The following WDPCP variants were observed in gnomAD, a reference collection of about 807,000 sequenced individuals.
WDPCP encodes WD repeat containing planar cell polarity effector.
WDPCP carries 71 observed loss-of-function variants against 93.1 expected under a neutral mutation model. That is an observed-to-expected ratio of 0.76 (90% CI 0.63 to 0.93). WDPCP has a LOEUF of 0.93. WDPCP is among the 40% of genes least tolerant of loss of function. The pLI, the probability that WDPCP is intolerant of heterozygous loss-of-function variation, is 0.00. For missense variants in WDPCP, 844 were observed against 887.4 expected (o/e 0.95, Z 0.62); for synonymous variants, 315 against 315.0 (o/e 1.00, Z 0.00).
chr2:63,541,634 C>T (rs918991016), intron 1 of WDPCP, among the ~76,000 whole-genome samples: 4 of 152,030 alleles, frequency 2.6e-5, no homozygotes, highest in African/African-American at 9.7e-5. Context: ...CCTTATTTCC[C>T]CCTTCTCTTA....
intron 14 of WDPCP, among the ~76,000 whole-genome samples, chr2:63,182,295 C>A (rs969118467): frequency 6.6e-6 from 1 of 151,934 alleles, no homozygotes; most frequent in East Asian, 1.9e-4. Flanking sequence ...TCATATATTG[C>A]TTTTATTATT....
chr2:63,500,330 G>A (rs1701463246), intron 1 of WDPCP, among the ~76,000 whole-genome samples: 1 of 152,098 alleles, frequency 6.6e-6, no homozygotes, highest in African/African-American at 2.4e-5. Context: ...CATTGAGTAA[G>A]ATCACAGAAG....
At chr2:63,685,504 C>T (rs192731871) in intron 2 of WDPCP, among the ~76,000 whole-genome samples, 6 of 152,290 alleles carry the variant, frequency 3.9e-5, no homozygotes, top group East Asian at 1.9e-4. Flanking sequence ...AGTGGCTTCA[C>T]GGCTGAATTC....
At chr2:63,467,776 CAAAAAAAAAAAA>C (rs3051717) in intron 6 of WDPCP, among the ~76,000 whole-genome samples, 3 of 87,692 alleles carry the variant, frequency 3.4e-5, no homozygotes, top group South Asian at 4.0e-4. Context: ...ACTCAGTCTC[CAAAAAAAAAAAA>C]AAAAAAAAAA....
At chr2:63,526,002 T>C (rs974745218) in intron 1 of WDPCP, among the ~76,000 whole-genome samples, 2 of 152,228 alleles carry the variant, frequency 1.3e-5, no homozygotes, top group Admixed American at 6.5e-5. Context: ...CTTATGTATG[T>C]ACGGCTTTTG....
chr2:63,413,866 CA>C (rs1161196629), intron 9 of WDPCP, among the ~76,000 whole-genome samples: 1 of 151,752 alleles, frequency 6.6e-6, no homozygotes, highest in African/African-American at 2.4e-5. Flanking sequence ...TTGCAAAGAA[CA>C]AAAGGAACAG....
chr2:63,655,177 A>G (rs1039709073), intron 2 of WDPCP, among the ~76,000 whole-genome samples: 3 of 152,214 alleles, frequency 2.0e-5, no homozygotes, highest in Admixed American at 6.5e-5. Flanking sequence ...GGGAGACACA[A>G]AGAAAGTGTG....
At chr2:63,815,897 C>CTT (rs71393330) in intron 1 of WDPCP, among the ~76,000 whole-genome samples, 15 of 147,106 alleles carry the variant, frequency 1.0e-4, no homozygotes, top group East Asian at 7.9e-4. Flanking sequence ...TTATTTTTTG[C>CTT]TTTTTTTTTT....
chr2:63,581,597 C>A (rs763506843), intron 1 of WDPCP, among the ~76,000 whole-genome samples: 1 of 152,136 alleles, frequency 6.6e-6, no homozygotes, highest in Admixed American at 6.5e-5. Context: ...CTGAGCAATA[C>A]TCAGATCCTG....
At chr2:63,438,835 G>A (rs1292417801) in intron 7 of WDPCP, among the ~76,000 whole-genome samples, 1 of 151,996 alleles carries the variant, frequency 6.6e-6, no homozygotes, top group East Asian at 1.9e-4. Context: ...TACTTCCTTT[G>A]ATTACTAAAT....
intron 15 of WDPCP, among the ~76,000 whole-genome samples, chr2:63,172,268 G>A (rs1235673822): frequency 6.6e-6 from 1 of 152,200 alleles, no homozygotes; most frequent in East Asian, 1.9e-4. Flanking sequence ...CACTTTGAAA[G>A]GCCGAGGCAA....
chr2:63,655,998 T>C (rs1419014137), intron 2 of WDPCP, among the ~76,000 whole-genome samples: 3 of 152,202 alleles, frequency 2.0e-5, no homozygotes, highest in Non-Finnish European at 4.4e-5. Flanking sequence ...CCCTTTAATA[T>C]AAATTAATCT....
chr2:63,240,605 G>C (rs974094000), intron 14 of WDPCP, among the ~76,000 whole-genome samples: 1 of 152,068 alleles, frequency 6.6e-6, no homozygotes, highest in Admixed American at 6.6e-5. Context: ...CACGTATTCT[G>C]TTTATTCTTT....
At chr2:63,169,296 G>A (rs1029439574) in intron 15 of WDPCP, among the ~76,000 whole-genome samples, 12 of 152,152 alleles carry the variant, frequency 7.9e-5, no homozygotes, top group African/African-American at 1.9e-4. Flanking sequence ...TTCTTTTAGC[G>A]TTCATACTTG....
chr2:63,764,771 C>T (rs1369732185), intron 2 of WDPCP, among the ~76,000 whole-genome samples: 1 of 152,022 alleles, frequency 6.6e-6, no homozygotes, highest in Non-Finnish European at 1.5e-5. Context: ...AAGGCAAGAC[C>T]ATGAAGGAGG....
At chr2:63,808,520 T>G (rs1670806284) in intron 2 of WDPCP, among the ~76,000 whole-genome samples, 1 of 152,180 alleles carries the variant, frequency 6.6e-6, no homozygotes, top group African/African-American at 2.4e-5. Context: ...TTTCGTGTTT[T>G]TTTGGTGGAG....
chr2:63,523,819 GA>G (rs1558752101), intron 1 of WDPCP, among the ~76,000 whole-genome samples: 1 of 152,190 alleles, frequency 6.6e-6, no homozygotes, highest in African/African-American at 2.4e-5. Context: ...GCTGAGGCAG[GA>G]GAATTGCTTG....
At chr2:63,617,433 C>T (rs1469005771) in intron 3 of WDPCP, among the ~76,000 whole-genome samples, 1 of 152,104 alleles carries the variant, frequency 6.6e-6, no homozygotes, top group Admixed American at 6.5e-5. Context: ...ATTAAACTGA[C>T]ATAGATTAAT....
intron 2 of WDPCP, among the ~76,000 whole-genome samples, chr2:63,767,216 A>G (rs1364394687): frequency 6.6e-6 from 1 of 152,082 alleles, no homozygotes; most frequent in Non-Finnish European, 1.5e-5. Flanking sequence ...AGTGCATTGT[A>G]TATATACTTA....
Sources: gnomAD v4.1 joint callset for allele counts (sites outside exome capture counted in the v4.1 genomes callset) on GRCh38, gnomAD v4.1.1 for gene constraint, MANE v1.5 for transcripts, NCBI Gene and HGNC (gene_info 2026-07-23, HGNC 2026-07-21) for gene names.